Variants in EXD3 observed in about 807,000 individuals in gnomAD.
EXD3 encodes the protein exonuclease mut-7 homolog.
A neutral mutation model predicts 98.0 loss-of-function variants in EXD3; 92 were observed. The observed-to-expected ratio is 0.94, with a 90% CI of 0.79 to 1.12. The LOEUF (loss-of-function observed/expected upper bound fraction) is 1.12, where lower values mean the gene tolerates loss of function less well. EXD3 is among the 50% of genes most tolerant of loss of function. The pLI is 0.00. For synonymous variants in EXD3, 569 were observed against 526.0 expected, an observed-to-expected ratio of 1.08 and a Z score of -1.12; for missense variants, 1,222 against 1,191.6, an observed-to-expected ratio of 1.03 and a Z score of -0.38.
chr9:137,323,921 C>T (rs980142470), intron 18 of EXD3, 65 bp from the exon 19 acceptor site: 15 of 1,543,320 alleles, frequency 9.7e-6, no homozygotes, highest in Admixed American at 4.0e-5. Flanking sequence ...AGGCCCAGCC[C>T]GCCTCCGCCA....
chr9:137,375,237 G>A (rs1261978360), intron 3 of EXD3, among the ~76,000 whole-genome samples: 1 of 152,124 alleles, frequency 6.6e-6, no homozygotes, highest in African/African-American at 2.4e-5. Context: ...TCGATCTCCT[G>A]ACCTCGTGAT....
intron 5 of EXD3, among the ~76,000 whole-genome samples, chr9:137,370,437 A>G (rs1443245969): frequency 6.6e-6 from 1 of 151,906 alleles, no homozygotes; most frequent in African/African-American, 2.4e-5. Context: ...GGCCATGAGG[A>G]CAGATGGGGC....
chr9:137,396,492 G>A (rs749988708), intron 1 of EXD3, among the ~76,000 whole-genome samples: 11 of 152,228 alleles, frequency 7.2e-5, no homozygotes, highest in Non-Finnish European at 1.6e-4. Flanking sequence ...CCTCACGGTG[G>A]CCATTCCCGG....
Position 137,349,115 on chromosome 9 carries a change from T to G in EXD3, c.1825A>C (p.Arg609=), listed in dbSNP as rs1429874310. Residue 609 remains arginine (R), a synonymous_variant, in exon 16 of 22, where the codon AGG becomes CGG. Coordinates refer to ENST00000340951, the MANE Select transcript of EXD3 (RefSeq NM_017820.5). This position sits in a 1 kb window ranked among gnomAD's most constrained non-coding sequence, Gnocchi z 7.4. ...CCCTGCGGGGCTTCACCCACCTGCC[T>G]GGGTGCGGCCGGTGCTGACGCTTTC... ...LQKASAPAAP[R]QVPVAVAVSE... The G allele has an allele frequency of 1.3e-6, 2 of 1,594,272 alleles. No homozygotes were observed. The highest frequency in any genetic ancestry group is 1.3e-5 in the African/African-American group (1 of 74,710).
At chr9:137,377,728 A>AAAGG (rs989736514) in intron 3 of EXD3, among the ~76,000 whole-genome samples, 1 of 151,976 alleles carries the variant, frequency 6.6e-6, no homozygotes, top group African/African-American at 2.4e-5. Flanking sequence ...GTCAAAAAAG[A>AAAGG]AAGGAAGGGA....
intron 1 of EXD3, among the ~76,000 whole-genome samples, chr9:137,416,786 C>A (rs1782172097): frequency 2.6e-5 from 4 of 151,982 alleles, no homozygotes; most frequent in Admixed American, 2.0e-4. Context: ...CGTCCCGCAG[C>A]CTAGCCTGGG....
intron 7 of EXD3, among the ~76,000 whole-genome samples, chr9:137,362,786 T>C (rs772912386): frequency 2.6e-5 from 4 of 152,168 alleles, no homozygotes; most frequent in African/African-American, 4.8e-5. Flanking sequence ...AGTCTGTTGG[T>C]GTCTTCTCAG....
chr9:137,319,984 C>T (rs764473543), intron 19 of EXD3, among the ~76,000 whole-genome samples: 11 of 152,354 alleles, frequency 7.2e-5, no homozygotes, highest in Non-Finnish European at 1.6e-4. Context: ...GGCGCATACA[C>T]GTGGGGCTCT....
intron 1 of EXD3, among the ~76,000 whole-genome samples, chr9:137,409,858 C>T (rs1013896167): frequency 6.6e-6 from 1 of 152,216 alleles, no homozygotes; most frequent in Non-Finnish European, 1.5e-5. Flanking sequence ...ACACCACTCA[C>T]CAGTTTTGCA....
intron 9 of EXD3, 53 bp downstream of exon 9, chr9:137,354,647 C>T: frequency 6.2e-7 from 1 of 1,604,234 alleles, no homozygotes; most frequent in Non-Finnish European, 8.5e-7. Context: ...AGGCCAAACT[C>T]TGTGGCTCAG....
At chr9:137,340,321 A>G (rs908573571) in intron 17 of EXD3, among the ~76,000 whole-genome samples, 1 of 152,040 alleles carries the variant, frequency 6.6e-6, no homozygotes, top group Non-Finnish European at 1.5e-5. Flanking sequence ...TACCAAACAT[A>G]CAAAAATTAG....
intron 1 of EXD3, among the ~76,000 whole-genome samples, chr9:137,402,010 A>G (rs1307558316): frequency 6.6e-6 from 1 of 152,024 alleles, no homozygotes; most frequent in Non-Finnish European, 1.5e-5. Context: ...CTTTTTAAAC[A>G]TAATTCTTTT....
At chr9:137,372,499 C>G (rs1228555162) in intron 5 of EXD3, among the ~76,000 whole-genome samples, 1 of 152,254 alleles carries the variant, frequency 6.6e-6, no homozygotes, top group Non-Finnish European at 1.5e-5. Context: ...GCAAACTCAC[C>G]CACAAAGGAC....
intron 2 of EXD3, among the ~76,000 whole-genome samples, chr9:137,386,215 G>A (rs1371287157): frequency 6.6e-6 from 1 of 152,096 alleles, no homozygotes; most frequent in African/African-American, 2.4e-5. Context: ...CATGGCTGGA[G>A]CCTGGGAGGT....
chr9:137,410,327 A>G (rs9414736), intron 1 of EXD3, among the ~76,000 whole-genome samples: 54,313 of 151,388 alleles, frequency 0.36, 10,026 homozygotes, highest in Admixed American at 0.45. Flanking sequence ...TCTACTAAAA[A>G]TACAAAAATT....
intron 1 of EXD3, among the ~76,000 whole-genome samples, chr9:137,419,482 C>T (rs2131847862): frequency 6.6e-6 from 1 of 151,714 alleles, no homozygotes; most frequent in Non-Finnish European, 1.5e-5. Context: ...CCAGCCAGGC[C>T]AATGTGGTAA....
chr9:137,368,477 G>A (rs972372334), intron 5 of EXD3, among the ~76,000 whole-genome samples: 5 of 152,194 alleles, frequency 3.3e-5, no homozygotes, highest in African/African-American at 4.8e-5. Flanking sequence ...CTTCCCACGA[G>A]GCGGAGACGG....
Position 137,404,860 on chromosome 9 carries a change from T to TAAA in EXD3, c.-47-9459_-47-9457dup, listed in dbSNP as rs34702081. Among the ~76,000 whole-genome samples, 954 of 147,226 alleles carry TAAA rather than the reference T, an allele frequency of 6.5e-3. 17 individuals carry two copies. The highest frequency in any genetic ancestry group is 0.022 in the African/African-American group (869 of 40,070). On this transcript the variant is annotated intron_variant, in intron 1 of 21. Coordinates refer to ENST00000340951, the MANE Select transcript of EXD3 (RefSeq NM_017820.5). ...GGGCAACAAGAGTGAAGCTCTGTCT[T>TAAA]AAAAAAAAAAAAATCACTAAAAGCC...
intron 3 of EXD3, chr9:137,374,710 C>CT: frequency 2.0e-6 from 2 of 985,524 alleles, no homozygotes; most frequent in Non-Finnish European, 2.4e-6. Flanking sequence ...AAGGATGCCC[C>CT]TCGGGGAAAG....
Sources: gnomAD v4.1 joint callset for allele counts (sites outside exome capture counted in the v4.1 genomes callset) on GRCh38, gnomAD v4.1.1 for gene constraint, Gnocchi (gnomAD v3.1) non-coding constraint, MANE v1.5 for transcripts, NCBI Gene and HGNC (gene_info 2026-07-23, HGNC 2026-07-21) for gene names.